FBXL13: variants seen among roughly 807,000 people sequenced by gnomAD.
The protein encoded by FBXL13 is F-box and leucine-rich repeat protein 13.
Under a neutral mutation model 83.6 loss-of-function variants are expected in FBXL13, and 67 were observed. That is an observed-to-expected ratio of 0.80 (90% confidence interval 0.66 to 0.98). The LOEUF (loss-of-function observed/expected upper bound fraction) is 0.98, where lower values mean the gene tolerates loss of function less well. Among genes scored for constraint, FBXL13 ranks in the 50% least tolerant of loss-of-function variants. The pLI, the probability that FBXL13 is intolerant of heterozygous loss-of-function variation, is 0.00. For synonymous variants in FBXL13, 272 were observed against 299.5 expected (o/e 0.91, Z 0.95); for missense variants, 822 against 866.5 (o/e 0.95, Z 0.64).
chr7:103,054,985 A>G (rs768131337), intron 2 of FBXL13, 103 bp downstream of exon 3: 9 of 651,026 alleles, frequency 1.4e-5, no homozygotes, highest in African/African-American at 1.9e-5. Flanking sequence ...CCCAACAACA[A>G]AAACAGTCTG....
chr7:102,888,556 A>G (rs756648859), intron 11 of FBXL13, among the ~76,000 whole-genome samples: 7 of 152,186 alleles, frequency 4.6e-5, no homozygotes, highest in Non-Finnish European at 7.3e-5. Context: ...AAAGAAAAAG[A>G]TTCCAGGTGG....
chr7:102,913,852 C>T (rs1489615244), intron 10 of FBXL13, among the ~76,000 whole-genome samples: 1 of 152,096 alleles, frequency 6.6e-6, no homozygotes, highest in Non-Finnish European at 1.5e-5. Context: ...GACCAGTTTG[C>T]AAATAAGCAG....
chr7:103,016,037 C>A (rs796351977), intron 6 of FBXL13, among the ~76,000 whole-genome samples: 1 of 152,044 alleles, frequency 6.6e-6, no homozygotes, highest in African/African-American at 2.4e-5. Flanking sequence ...ATAAACAATC[C>A]ATGCTCATGG....
At chr7:102,977,957 GGA>G (rs1476773451) in intron 6 of FBXL13, among the ~76,000 whole-genome samples, 1 of 152,076 alleles carries the variant, frequency 6.6e-6, no homozygotes, top group Non-Finnish European at 1.5e-5. Context: ...TGGGGTGGGG[GGA>G]GAGGGGACGG....
intron 14 of FBXL13, among the ~76,000 whole-genome samples, chr7:102,881,573 T>TGTGTG (rs1554435356): frequency 2.7e-5 from 3 of 110,878 alleles, no homozygotes; most frequent in African/African-American, 1.3e-4. Flanking sequence ...TGTGTGTGTG[T>TGTGTG]GTGGGGGGGG....
intron 6 of FBXL13, among the ~76,000 whole-genome samples, chr7:103,022,229 G>A (rs1330601324): frequency 2.0e-5 from 3 of 151,810 alleles, no homozygotes; most frequent in Non-Finnish European, 4.4e-5. Flanking sequence ...TTATCACAAG[G>A]ACAGAAAACC....
In FBXL13 at chr7:102,813,932, A is replaced by G. The variant is rs10281578; in HGVS notation, c.2019-401T>C. Among the ~76,000 whole-genome samples the G allele has an allele frequency of 9.0e-3, 1,363 of 152,238 alleles. 26 individuals carry two copies. Among genetic ancestry groups the G allele is most frequent in the African/African-American group, 0.031 (1,302 of 41,544 alleles). ...GCACCAGGCCAGGAGCTCTTAACCC[A>G]GAGTTCACAGATCCCTTTTGACTAC... On this transcript the variant is annotated intron_variant, in intron 19 of 19. Coordinates refer to ENST00000313221, the Ensembl canonical transcript of FBXL13.
intron 11 of FBXL13, among the ~76,000 whole-genome samples, chr7:102,885,223 T>A (rs59552452): frequency 0.065 from 9,862 of 152,280 alleles, 483 homozygotes; most frequent in East Asian, 0.22. Flanking sequence ...CTTCAGGTGC[T>A]GCACCATTTT....
In FBXL13 at chr7:102,877,518, G is replaced by A. The variant is rs376954121; in HGVS notation, c.1584C>T (p.Asn528=). The A allele has an allele frequency of 1.1e-5, 17 of 1,611,026 alleles. No individual in the cohort carries two copies. In the African/African-American group the frequency reaches 1.1e-4, roughly 10 times the overall value. Residue 528 remains asparagine, a synonymous_variant, in exon 16 of 20, where the codon AAC becomes AAT. Coordinates refer to ENST00000313221, the Ensembl canonical transcript of FBXL13. Reference sequence around the variant, plus strand: ...GATCTATTGATACCAAGGAAAAGATGTTTACAATATATCCAATTCCTTGGG... The same window carrying A: ...GATCTATTGATACCAAGGAAAAGATATTTACAATATATCCAATTCCTTGGG...
intron 5 of FBXL13, among the ~76,000 whole-genome samples, chr7:103,025,882 A>G (rs1793845003): frequency 6.6e-6 from 1 of 151,986 alleles, no homozygotes; most frequent in South Asian, 2.1e-4. Flanking sequence ...TGCTCCCAGC[A>G]TACACTTGCC....
At chr7:102,890,962 T>C (rs2129460322) in intron 11 of FBXL13, among the ~76,000 whole-genome samples, 1 of 152,350 alleles carries the variant, frequency 6.6e-6, no homozygotes, top group South Asian at 2.1e-4. Flanking sequence ...TATTTTTATG[T>C]CCTCTTAGTG....
intron 6 of FBXL13, among the ~76,000 whole-genome samples, chr7:102,993,954 C>G (rs188775657): frequency 5.3e-5 from 8 of 152,350 alleles, no homozygotes; most frequent in Admixed American, 3.3e-4. Flanking sequence ...ACTAACACTT[C>G]TAACCATTTT....
At chr7:102,906,335 T>C (rs1813748652) in intron 11 of FBXL13, among the ~76,000 whole-genome samples, 1 of 152,216 alleles carries the variant, frequency 6.6e-6, no homozygotes, top group African/African-American at 2.4e-5. Context: ...AAAGTTGTTG[T>C]AGTTATTTTT....
chr7:102,856,826 CA>C (rs1388116801), intron 16 of FBXL13, among the ~76,000 whole-genome samples: 11 of 152,284 alleles, frequency 7.2e-5, no homozygotes, highest in Non-Finnish European at 1.5e-4. Flanking sequence ...CTTTGGAAAA[CA>C]GTCTGCATTT....
At position 102,916,798 on chromosome 7, in the gene FBXL13, G is replaced by GGC. The variant is rs540309647; in HGVS notation, c.879-3584_879-3583insGC. 3.7e-3 allele frequency among the ~76,000 whole-genome samples: 561 copies of GGC among 150,928 alleles called. 5 individuals are homozygous for GGC. Among genetic ancestry groups the GGC allele is most frequent in the African/African-American group, 0.014 (554 of 40,886 alleles). On this transcript the variant is annotated intron_variant, in intron 10 of 19. Transcript: ENST00000313221. ...TTTGATAACTGTTTCTTATGGGGGG[G>GGC]GGTGTGAGTCCTCTCTTTGTGATTT... is the stretch of plus-strand genomic sequence containing the variant.
intron 19 of FBXL13, among the ~76,000 whole-genome samples, chr7:102,819,746 A>C (rs1390945810): frequency 1.3e-5 from 2 of 152,142 alleles, no homozygotes; most frequent in African/African-American, 4.8e-5. Context: ...AGACAAATCA[A>C]AGCCTCTGCA....
In FBXL13 at chr7:102,979,552, T is replaced by A. The variant is rs546669990; in HGVS notation, c.496-11435A>T. Among the ~76,000 whole-genome samples, 14 of 152,318 alleles carry A rather than the reference T, an allele frequency of 9.2e-5. No individual in the cohort carries two copies. In the South Asian group the frequency reaches 2.7e-3, roughly 29 times the overall value. On this transcript the variant is annotated intron_variant, in intron 6 of 19. Coordinates refer to ENST00000313221, the Ensembl canonical transcript of FBXL13. ...GTAGGGGGTGGGGTAATGTTCTACC[T>A]ACCATACTATATGAGGGAATAATAA...
intron 11 of FBXL13, among the ~76,000 whole-genome samples, chr7:102,884,593 C>A (rs1057354893): frequency 4.6e-5 from 7 of 151,956 alleles, no homozygotes; most frequent in Admixed American, 4.6e-4. Flanking sequence ...AGGAGGATCA[C>A]CTCAGCCAGG....
At chr7:103,036,290 G>A (rs1400469832) in intron 2 of FBXL13, among the ~76,000 whole-genome samples, 2 of 152,186 alleles carry the variant, frequency 1.3e-5, no homozygotes, top group African/African-American at 2.4e-5. Flanking sequence ...ACAGAATGGG[G>A]ATTATAAATA....
Sources: allele counts gnomAD v4.1 joint callset (sites outside exome capture counted in the v4.1 genomes callset), GRCh38; gene constraint gnomAD v4.1.1; transcripts MANE v1.5; gene names NCBI Gene and HGNC (gene_info 2026-07-23, HGNC 2026-07-21).